Variants in CEP95 observed in about 807,000 individuals in gnomAD.
CEP95 encodes centrosomal protein of 95 kDa.
CEP95 carries 98 observed loss-of-function variants against 111.2 expected under a neutral mutation model. The ratio of observed to expected loss-of-function variants is 0.88; its 90% CI spans 0.75 to 1.04. CEP95 has a LOEUF of 1.04. Ranked by LOEUF, CEP95 falls within the 50% of genes least tolerant of loss-of-function variation. CEP95 has a pLI of 0.00. For missense variants in CEP95, 1,027 were observed against 977.2 expected (o/e 1.05, Z -0.68); for synonymous variants, 323 against 327.1 (o/e 0.99, Z 0.14).
Position 64,508,577 on chromosome 17 carries a change from C to T in CEP95, c.20-15C>T, listed in dbSNP as rs781873847. 7.3e-7 allele frequency: 1 copy of T among 1,365,858 alleles called. No individual in the cohort carries two copies. The highest frequency in any genetic ancestry group is 9.6e-7 in the Non-Finnish European group (1 of 1,046,312). 84.6% of individuals were successfully genotyped at this position (1,365,858 alleles called of 1,614,324 possible). ...GTGGTTTTTAAGACTGATCTTTCCC[C>T]CTTTTTCCCAACAGAGTGGGTAACC... On this transcript the variant is annotated splice_polypyrimidine_tract_variant and intron_variant, in intron 1 of 19. Coordinates refer to ENST00000556440, the MANE Select transcript of CEP95 (RefSeq NM_138363.3).
Position 64,525,772 on chromosome 17 carries a change from TC to T in CEP95, c.913del (p.Leu305Ter), listed in dbSNP as rs1247656207. On this transcript the variant is annotated frameshift_variant, in exon 9 of 20. Transcript: ENST00000556440. LOFTEE classifies it high-confidence loss of function. ...TGEHTEFSGDLDDGLFLISKL... is the reference protein window; with the variant it reads ...TGEHTEFSGDXDDGLFLISKL... ...AACTTTTTTTCTGTTTTTAATAGGA[TC>T]TAGATGATGGACTTTTCTTAATTTC... 3.1e-6 allele frequency: 5 copies of T among 1,594,610 alleles called. No homozygotes were observed. The highest frequency in any genetic ancestry group is 4.3e-6 in the Non-Finnish European group (5 of 1,168,426).
Position 64,510,265 on chromosome 17 carries a change from T to G in CEP95, c.241T>G (p.Leu81Val). Residue 81 changes from leucine (L) to valine (V), a missense_variant, in exon 3 of 20, where the codon TTG becomes GTG. Transcript: ENST00000556440. ...SLALDYLQVSLSHITGENIVK... is the reference protein window; with the variant it reads ...SLALDYLQVSVSHITGENIVK... ...GGCCTTGGACTACTTGCAGGTCAGC[T>G]TGTCTCACATAACAGGTTGGTATAT... is the stretch of plus-strand genomic sequence containing the variant. The G allele has an allele frequency of 6.3e-7, 1 of 1,598,954 alleles. No homozygotes were observed. Among genetic ancestry groups the G allele is most frequent in the Non-Finnish European group, 8.6e-7 (1 of 1,167,718 alleles).
At chr17:64,527,875 TATATATATATATATATA>T (rs1555679466) in intron 11 of CEP95, among the ~76,000 whole-genome samples, 1 of 137,306 alleles carries the variant, frequency 7.3e-6, no homozygotes, top group Non-Finnish European at 1.6e-5. Context: ...TGTGTGTATA[TATATATATATATATATA>T]CACACACACA....
rs1457425032 is a variant in CEP95, at chr17:64,536,577, A to G, written c.2071-25A>G. 1.2e-5 allele frequency: 19 copies of G among 1,570,234 alleles called. 1 individual carries two copies. The highest frequency in any genetic ancestry group is 8.2e-5 in the South Asian group (7 of 85,330). On this transcript the variant is annotated intron_variant, in intron 17 of 19. Coordinates refer to ENST00000556440, the MANE Select transcript of CEP95 (RefSeq NM_138363.3). ...GCCAAAATGATATTCCTCAATGACTATTTTTACGATTAAATAACTGACAGA... is the reference window on the plus strand; with the variant it reads ...GCCAAAATGATATTCCTCAATGACTGTTTTTACGATTAAATAACTGACAGA...
intron 11 of CEP95, 73 bp from the exon 12 acceptor site, chr17:64,529,215 A>G (rs1968085542): frequency 6.9e-7 from 1 of 1,459,556 alleles, no homozygotes; most frequent in Non-Finnish European, 9.2e-7. Context: ...GATTTAGTGA[A>G]AACCAACTTT....
chr17:64,526,315 C>A, intron 10 of CEP95, 115 bp downstream of exon 10: 1 of 1,027,172 alleles, frequency 9.7e-7, no homozygotes, highest in African/African-American at 1.6e-5. Flanking sequence ...TTAATAGTTA[C>A]TGTGAAAATG....
At chr17:64,510,665 T>G (rs1555674664) in intron 3 of CEP95, among the ~76,000 whole-genome samples, 1 of 152,170 alleles carries the variant, frequency 6.6e-6, no homozygotes, top group African/African-American at 2.4e-5. Flanking sequence ...TCCTCTCACC[T>G]CAGCCTCCCG....
rs73333917 is a variant in CEP95, at chr17:64,508,217, C to G, written c.20-375C>G. 0.024 allele frequency: 23,241 copies of G among 985,106 alleles called. 2,259 individuals are homozygous for G. The African/African-American group carries it at 0.28, about 12-fold the overall frequency. 61.0% of individuals were successfully genotyped at this position (985,106 alleles called of 1,614,324 possible). On this transcript the variant is annotated intron_variant, in intron 1 of 19. Transcript: ENST00000556440. ...TCCATTAATGAGTTTCTGGTAACCT[C>G]GGATTATCATTAAACTGTTGTTTAT...
chr17:64,532,868 C>T lies in CEP95; in HGVS notation c.1702C>T (p.Leu568Phe). The T allele has an allele frequency of 6.2e-7, 1 of 1,613,482 alleles. No homozygotes were observed. Among genetic ancestry groups the T allele is most frequent in the South Asian group, 1.1e-5 (1 of 90,966 alleles). The change falls in exon 15 of 20, where the codon CTT becomes TTT. Residue 568 changes from leucine to phenylalanine, a missense_variant. Coordinates refer to ENST00000556440, the MANE Select transcript of CEP95 (RefSeq NM_138363.3). The part of the protein sequence containing the change: ...MKVSEHSLLP[L>F]MLEQFPFLYV... ...AGTAAGTGAACACAGTCTCCTGCCC[C>T]TTATGCTGGAGCAGTTTCCGTTTCT...
intron 3 of CEP95, among the ~76,000 whole-genome samples, chr17:64,510,657 C>T (rs2038843554): frequency 1.3e-5 from 2 of 152,316 alleles, no homozygotes; most frequent in Admixed American, 1.3e-4. Flanking sequence ...TCAGGTGATC[C>T]TCTCACCTCA....
Position 64,510,214 on chromosome 17 carries a change from A to G in CEP95, c.190A>G (p.Asn64Asp), listed in dbSNP as rs1555674483. ...TAGGAGTCAAGAAGATGATGCACACAATGTACAAGCAGTAATTGATTCACT... is the reference window on the plus strand; with the variant it reads ...TAGGAGTCAAGAAGATGATGCACACGATGTACAAGCAGTAATTGATTCACT... Reference protein sequence around the residue: ...IPRSQEDDAHNVQAVIDSLAL... With the variant: ...IPRSQEDDAHDVQAVIDSLAL... Residue 64 changes from asparagine (N) to aspartate (D), a missense_variant, in exon 3 of 20, where the codon AAT becomes GAT. Physicochemically the swap from Asn to Asp is conservative, Grantham distance 23 (BLOSUM62 1). Transcript: ENST00000556440. 10 of 1,611,864 alleles carry G rather than the reference A, an allele frequency of 6.2e-6. No homozygotes were observed. Among genetic ancestry groups the G allele is most frequent in the Admixed American group, 5.0e-5 (3 of 59,808 alleles).
At chr17:64,533,245 C>T (rs1461478875) in intron 16 of CEP95, 54 bp downstream of exon 16, 8 of 1,427,878 alleles carry the variant, frequency 5.6e-6, no homozygotes, top group Non-Finnish European at 4.8e-6. Flanking sequence ...TATTCATTCC[C>T]TTTATCTGTG....
chr17:64,512,729 A>T (rs1353261404), intron 3 of CEP95, among the ~76,000 whole-genome samples: 5 of 152,318 alleles, frequency 3.3e-5, no homozygotes, highest in African/African-American at 1.2e-4. Flanking sequence ...TTCTGTCTTA[A>T]GTTTTTTAAT....
At chr17:64,520,468 T>G (rs1555677395) in intron 6 of CEP95, 1 of 151,690 alleles carries the variant, frequency 6.6e-6, no homozygotes, top group Non-Finnish European at 1.5e-5. Flanking sequence ...CTTTTTTTTT[T>G]TTTTTTTTTG....
chr17:64,525,886 AC>A lies in CEP95; in HGVS notation c.1022+5del. Reference sequence around the variant, plus strand: ...GGAAGCCTCCCAAAGGAAAAAGGTAACATTACTGCAGACTTCAGTGTTTACA... The same window carrying A: ...GGAAGCCTCCCAAAGGAAAAAGGTAAATTACTGCAGACTTCAGTGTTTACA... On this transcript the variant is annotated splice_donor_5th_base_variant and intron_variant, in intron 9 of 19. Transcript: ENST00000556440. 6.4e-7 allele frequency: 1 copy of A among 1,552,096 alleles called. No homozygotes were observed. Among genetic ancestry groups the A allele is most frequent in the Non-Finnish European group, 8.7e-7 (1 of 1,153,466 alleles).
At position 64,526,180 on chromosome 17, in the gene CEP95, C is replaced by T. The variant is rs782283049; in HGVS notation, c.1132C>T (p.Arg378Trp). The T allele has an allele frequency of 3.7e-5, 60 of 1,612,354 alleles. No homozygotes were observed. The highest frequency in any genetic ancestry group is 4.8e-5 in the Non-Finnish European group (57 of 1,179,396). Reference protein sequence around the residue: ...LHDVSEKLSQRLSELDWMLKS... With the variant: ...LHDVSEKLSQWLSELDWMLKS... ...TGATGTATCAGAAAAACTCTCTCAGCGGCTTTCTGAACTAGATTGGGCAAG... is the reference window on the plus strand; with the variant it reads ...TGATGTATCAGAAAAACTCTCTCAGTGGCTTTCTGAACTAGATTGGGCAAG... Residue 378 changes from arginine (R) to tryptophan (W), a missense_variant, in exon 10 of 20, where the codon CGG (arginine) becomes TGG (tryptophan). Coordinates refer to ENST00000556440, the MANE Select transcript of CEP95 (RefSeq NM_138363.3).
intron 19 of CEP95, chr17:64,537,324 T>TA (rs1286433553): frequency 7.1e-7 from 1 of 1,405,888 alleles, no homozygotes; most frequent in Admixed American, 3.2e-5. Flanking sequence ...TCTCCATCAT[T>TA]AAGTGACACA....
chr17:64,534,773 G>A, intron 17 of CEP95, 36 bp downstream of exon 17: 1 of 1,594,198 alleles, frequency 6.3e-7, no homozygotes, highest in Non-Finnish European at 8.6e-7. Flanking sequence ...CTGTTAAGAA[G>A]GTGAACTTTG....
intron 8 of CEP95, among the ~76,000 whole-genome samples, chr17:64,524,063 C>G (rs940730217): frequency 2.6e-5 from 4 of 152,036 alleles, no homozygotes; most frequent in African/African-American, 9.7e-5. Context: ...TTCTGTGCAT[C>G]TAAACAGGAG....
Sources: gnomAD v4.1 joint callset for allele counts (sites outside exome capture counted in the v4.1 genomes callset) on GRCh38, gnomAD v4.1.1 for gene constraint, MANE v1.5 for transcripts, NCBI Gene and HGNC (gene_info 2026-07-23, HGNC 2026-07-21) for gene names.